The following LRP1B variants were observed in gnomAD, a reference collection of about 807,000 sequenced individuals.
LRP1B encodes the protein low-density lipoprotein receptor-related protein 1B.
In LRP1B, 217 loss-of-function variants were observed where a neutral mutation model predicts 556.6. The ratio of observed to expected loss-of-function variants is 0.39; its 90% confidence interval spans 0.35 to 0.44. The LOEUF (loss-of-function observed/expected upper bound fraction) is 0.44. LRP1B is among the 20% of genes least tolerant of loss of function. The probability of loss-of-function intolerance (pLI) is 1.00; values close to 1 mark genes in which losing one functional copy is unlikely to be tolerated. For missense variants in LRP1B, 5,053 were observed against 5,620.8 expected (o/e 0.90, Z 3.23); for synonymous variants, 2,047 against 1,865.8 (o/e 1.10, Z -2.50).
At chr2:140,586,271 T>C (rs1053189257) in intron 43 of LRP1B, among the ~76,000 whole-genome samples, 2 of 152,122 alleles carry the variant, frequency 1.3e-5, no homozygotes, top group Admixed American at 1.3e-4. Context: ...TGTCATTTTG[T>C]CTCATATATC....
chr2:141,315,395 G>A (rs996649016), intron 3 of LRP1B, among the ~76,000 whole-genome samples: 1 of 150,658 alleles, frequency 6.6e-6, no homozygotes, highest in Non-Finnish European at 1.5e-5. Flanking sequence ...AAGTAGCTGG[G>A]ACTACAAACG....
intron 29 of LRP1B, among the ~76,000 whole-genome samples, chr2:140,848,939 A>G (rs1692355377): frequency 6.6e-6 from 1 of 152,164 alleles, no homozygotes. Flanking sequence ...GGTTAGTTGT[A>G]CAGCATTCTC....
intron 1 of LRP1B, among the ~76,000 whole-genome samples, chr2:142,092,325 A>AG (rs1706203503): frequency 9.0e-6 from 1 of 110,778 alleles, no homozygotes; most frequent in Non-Finnish European, 1.9e-5. Context: ...TTTTAAAAAA[A>AG]TTGCTAGTTT....
chr2:141,572,349 G>C (rs180683457), intron 2 of LRP1B, among the ~76,000 whole-genome samples: 1 of 152,106 alleles, frequency 6.6e-6, no homozygotes, highest in African/African-American at 2.4e-5. Flanking sequence ...AAGCGAAGGA[G>C]AAATAAAATC....
intron 1 of LRP1B, among the ~76,000 whole-genome samples, chr2:142,038,846 C>T (rs1252196079): frequency 1.3e-5 from 2 of 151,606 alleles, no homozygotes; most frequent in African/African-American, 2.4e-5. Context: ...TTCATCTAAT[C>T]ATTTTATATT....
chr2:142,119,643 A>C (rs1045357977), intron 1 of LRP1B, among the ~76,000 whole-genome samples: 6 of 152,078 alleles, frequency 3.9e-5, no homozygotes, highest in African/African-American at 1.2e-4. Context: ...CAGTAACAAT[A>C]TTTCCTTCAA....
intron 7 of LRP1B, among the ~76,000 whole-genome samples, chr2:141,115,488 G>T (rs1700869689): frequency 8.1e-6 from 1 of 123,216 alleles, no homozygotes; most frequent in Non-Finnish European, 1.6e-5. Flanking sequence ...ATGGATTCTG[G>T]CTCTGTCACC....
intron 2 of LRP1B, among the ~76,000 whole-genome samples, chr2:141,691,792 C>T (rs1482628426): frequency 6.6e-6 from 1 of 151,928 alleles, no homozygotes; most frequent in Non-Finnish European, 1.5e-5. Context: ...TCCCCAAACT[C>T]CATCTTCAAC....
chr2:140,938,317 A>G (rs1695291823), intron 20 of LRP1B, among the ~76,000 whole-genome samples: 1 of 152,076 alleles, frequency 6.6e-6, no homozygotes, highest in Non-Finnish European at 1.5e-5. Flanking sequence ...CCTAGAATCT[A>G]TTTTATCAAG....
chr2:140,543,434 T>TA (rs2105025558), intron 43 of LRP1B, among the ~76,000 whole-genome samples: 1 of 152,118 alleles, frequency 6.6e-6, no homozygotes, highest in South Asian at 2.1e-4. Flanking sequence ...GTCCCAGGAA[T>TA]ACAACCTGAT....
intron 31 of LRP1B, among the ~76,000 whole-genome samples, chr2:140,827,759 G>A (rs983314494): frequency 1.3e-5 from 2 of 151,966 alleles, no homozygotes; most frequent in African/African-American, 4.8e-5. Flanking sequence ...TCTAGTTATA[G>A]GAAGATCAGA....
At chr2:141,532,855 G>A (rs1292758322) in intron 2 of LRP1B, among the ~76,000 whole-genome samples, 1 of 152,056 alleles carries the variant, frequency 6.6e-6, no homozygotes, top group Non-Finnish European at 1.5e-5. Flanking sequence ...GTATGGTGGT[G>A]CATGCCGGTA....
At chr2:141,562,606 A>G (rs185546247) in intron 2 of LRP1B, among the ~76,000 whole-genome samples, 17 of 145,098 alleles carry the variant, frequency 1.2e-4, no homozygotes, top group African/African-American at 3.6e-4. Flanking sequence ...AGATCTTCAC[A>G]GGCACCTGCA....
chr2:140,576,502 C>T (rs1681531300), intron 43 of LRP1B, among the ~76,000 whole-genome samples: 1 of 152,172 alleles, frequency 6.6e-6, no homozygotes, highest in South Asian at 2.1e-4. Context: ...AACCATGCCA[C>T]CGGAAGATAC....
rs1300773531 is a variant in LRP1B at position 141,639,347 on chromosome 2, T to TACACACAC, written c.206-158815_206-158814insGTGTGTGT. Among the ~76,000 whole-genome samples, 164 of 59,256 alleles carry TACACACAC rather than the reference T, an allele frequency of 2.8e-3. 1 individual carries two copies. The highest frequency in any genetic ancestry group is 4.0e-3 in the East Asian group (5 of 1,240). 38.9% of individuals were successfully genotyped at this position (59,256 alleles called of 152,430 possible). The stretch of plus-strand genomic sequence containing the variant: ...ATATATATATATATATATATATATA[T>TACACACAC]ATACACACACACACACATATATATA... On this transcript the variant is annotated intron_variant, in intron 2 of 90. Transcript: ENST00000389484.
At chr2:141,633,713 AC>A (rs1451804935) in intron 2 of LRP1B, among the ~76,000 whole-genome samples, 1 of 152,046 alleles carries the variant, frequency 6.6e-6, no homozygotes, top group African/African-American at 2.4e-5. Flanking sequence ...CATTTCCAGA[AC>A]TTTTCATGAT....
intron 3 of LRP1B, among the ~76,000 whole-genome samples, chr2:141,369,393 A>G (rs75561602): frequency 0.038 from 5,804 of 152,190 alleles, 147 homozygotes; most frequent in South Asian, 0.063. Flanking sequence ...TGTCTTCATG[A>G]AGTTGAAAAT....
chr2:141,020,023 G>A lies in LRP1B; in HGVS notation c.1869C>T (p.Thr623=), dbSNP rs1698020177. The change falls in exon 12 of 91, where the codon ACC becomes ACT. Residue 623 remains threonine, a synonymous_variant. Coordinates refer to ENST00000389484, the MANE Select transcript of LRP1B (RefSeq NM_018557.3). ...LYWTNDGHRK[T]INVARLEKAS... ...CTTTTTCCAGCCTGGCCACATTAAT[G>A]GTTTTCCTATGGCCATCATTGGTCC... The A allele has an allele frequency of 1.9e-6, 3 of 1,611,514 alleles. No individual in the cohort carries two copies. The highest frequency in any genetic ancestry group is 1.1e-5 in the South Asian group (1 of 90,910).
chr2:140,664,678 C>A (rs911227713), intron 41 of LRP1B, among the ~76,000 whole-genome samples: 1 of 151,582 alleles, frequency 6.6e-6, no homozygotes, highest in Non-Finnish European at 1.5e-5. Context: ...ACTAATGAAT[C>A]CATAGTTTGT....
Sources: allele counts gnomAD v4.1 joint callset (sites outside exome capture counted in the v4.1 genomes callset), GRCh38; gene constraint gnomAD v4.1.1; transcripts MANE v1.5; gene names NCBI Gene and HGNC (gene_info 2026-07-23, HGNC 2026-07-21).